Variants in TRPM3 observed in about 807,000 individuals in gnomAD.
TRPM3 encodes the protein transient receptor potential cation channel subfamily M member 3.
In TRPM3, 77 loss-of-function variants were observed where a neutral mutation model predicts 181.2. The ratio of observed to expected loss-of-function variants is 0.42; its 90% CI spans 0.35 to 0.51. The LOEUF (loss-of-function observed/expected upper bound fraction) is 0.51, where lower values mean the gene tolerates loss of function less well. TRPM3 is among the 20% of genes least tolerant of loss of function. The probability of loss-of-function intolerance (pLI) is 0.01; values close to 1 mark genes in which losing one functional copy is unlikely to be tolerated. For missense variants in TRPM3, 1,759 were observed against 2,196.7 expected (o/e 0.80, Z 3.98); for synonymous variants, 745 against 796.4 (o/e 0.94, Z 1.09).
rs1033179035 is a variant in TRPM3 at position 70,532,585 on chromosome 9, T to C, written c.*3368A>G. The C allele has an allele frequency of 6.6e-6, 1 of 152,144 alleles. No homozygotes were observed. The highest frequency in any genetic ancestry group is 6.5e-5 in the Admixed American group (1 of 15,284). 9.4% of individuals were successfully genotyped at this position (152,144 alleles called of 1,614,324 possible). On this transcript the variant is annotated 3_prime_UTR_variant, in exon 26 of 26. Transcript: ENST00000677713. ...AGGAGGGGCCCTCTAACTATAAATA[T>C]AAAGTATATTGGTTAAGCAGGAGAC... is the stretch of plus-strand genomic sequence containing the variant.
At chr9:71,014,656 C>T (rs940954170) in intron 1 of TRPM3, among the ~76,000 whole-genome samples, 31 of 152,070 alleles carry the variant, frequency 2.0e-4, no homozygotes, top group African/African-American at 7.0e-4. Flanking sequence ...ATCAAGATGG[C>T]AATTGCTGAT....
chr9:71,092,096 T>C (rs944441948), intron 1 of TRPM3, among the ~76,000 whole-genome samples: 1 of 152,310 alleles, frequency 6.6e-6, no homozygotes, highest in African/African-American at 2.4e-5. Flanking sequence ...TCTTATTCAT[T>C]TGCAAGCTTC....
chr9:71,355,343 A>G (rs1374069245), intron 1 of TRPM3, among the ~76,000 whole-genome samples: 1 of 152,206 alleles, frequency 6.6e-6, no homozygotes, highest in East Asian at 1.9e-4. Flanking sequence ...ATTTGGATAC[A>G]GACTCACAAA....
chr9:71,075,169 C>G (rs902293244), intron 1 of TRPM3, among the ~76,000 whole-genome samples: 3 of 151,966 alleles, frequency 2.0e-5, no homozygotes, highest in African/African-American at 7.2e-5. Flanking sequence ...TATTGATATT[C>G]AAGTAATTCA....
At chr9:71,317,691 A>G (rs2088767927) in intron 1 of TRPM3, among the ~76,000 whole-genome samples, 1 of 151,562 alleles carries the variant, frequency 6.6e-6, no homozygotes. Context: ...ACACACACAC[A>G]CACGCGCACA....
chr9:70,591,850 CTGTT>C (rs1012757026), intron 21 of TRPM3, among the ~76,000 whole-genome samples: 16 of 152,274 alleles, frequency 1.1e-4, no homozygotes, highest in South Asian at 4.2e-4. Flanking sequence ...GAGAAAATGG[CTGTT>C]TGTATACTTC....
chr9:70,530,878 T>G lies in TRPM3; in HGVS notation c.*5075A>C, dbSNP rs2040785354. The G allele has an allele frequency of 6.6e-6, 1 of 152,186 alleles. No homozygotes were observed. The highest frequency in any genetic ancestry group is 6.5e-5 in the Admixed American group (1 of 15,280). 9.4% of individuals were successfully genotyped at this position (152,186 alleles called of 1,614,324 possible). ...CAGTCATTTTCAAAACTGTGCAAAT[T>G]GGCTCCTCTCTTTAACAGATGTTGA... On this transcript the variant is annotated 3_prime_UTR_variant, in exon 26 of 26. Coordinates refer to ENST00000677713, the MANE Select transcript of TRPM3 (RefSeq NM_001366145.2).
chr9:70,934,416 G>C (rs1469240361), intron 1 of TRPM3, among the ~76,000 whole-genome samples: 4 of 152,094 alleles, frequency 2.6e-5, no homozygotes, highest in South Asian at 2.1e-4. Flanking sequence ...ACTGCTCCCT[G>C]ACTGAAAAGG....
At chr9:70,607,857 GTCTC>G (rs1220871220) in intron 19 of TRPM3, among the ~76,000 whole-genome samples, 1 of 152,186 alleles carries the variant, frequency 6.6e-6, no homozygotes, top group Admixed American at 6.5e-5. Context: ...AGAACCGATA[GTCTC>G]TCTCTGTCTC....
intron 6 of TRPM3, among the ~76,000 whole-genome samples, chr9:70,821,605 C>A (rs2093175666): frequency 6.6e-6 from 1 of 152,096 alleles, no homozygotes; most frequent in African/African-American, 2.4e-5. Context: ...TATTATGAAC[C>A]TGTTTACTTA....
chr9:70,741,604 C>A (rs1056186092), intron 8 of TRPM3, among the ~76,000 whole-genome samples: 1 of 151,910 alleles, frequency 6.6e-6, no homozygotes, highest in African/African-American at 2.4e-5. Context: ...ACAAAGAAAT[C>A]GTGGTATATG....
chr9:71,033,244 C>T (rs1325928300), intron 1 of TRPM3, among the ~76,000 whole-genome samples: 1 of 152,176 alleles, frequency 6.6e-6, no homozygotes, highest in Non-Finnish European at 1.5e-5. Context: ...CTAAAGCGTC[C>T]TAAGTAAGAT....
chr9:70,656,237 G>A (rs1438029602), intron 9 of TRPM3, among the ~76,000 whole-genome samples: 1 of 152,046 alleles, frequency 6.6e-6, no homozygotes, highest in East Asian at 1.9e-4. Context: ...TTGGCATAGG[G>A]GTTAAAAAAC....
intron 1 of TRPM3, among the ~76,000 whole-genome samples, chr9:71,294,930 A>G (rs1244486350): frequency 6.6e-6 from 1 of 152,170 alleles, no homozygotes; most frequent in Non-Finnish European, 1.5e-5. Context: ...CAAAACTTAC[A>G]TTATTTAGGG....
intron 1 of TRPM3, among the ~76,000 whole-genome samples, chr9:71,136,544 T>C (rs1337617671): frequency 6.6e-6 from 1 of 152,232 alleles, no homozygotes; most frequent in African/African-American, 2.4e-5. Context: ...ACACATTTAA[T>C]ATCCTCCTCC....
chr9:71,319,514 G>A (rs2088991666), intron 1 of TRPM3, among the ~76,000 whole-genome samples: 2 of 152,044 alleles, frequency 1.3e-5, no homozygotes, highest in Non-Finnish European at 2.9e-5. Flanking sequence ...GGGCCCTAAT[G>A]GCTTGGATGA....
chr9:70,558,202 A>G (rs2060611170), intron 22 of TRPM3, among the ~76,000 whole-genome samples: 1 of 152,172 alleles, frequency 6.6e-6, no homozygotes, highest in Non-Finnish European at 1.5e-5. Context: ...GAGTGACTCT[A>G]TCACAGAGAA....
At chr9:70,753,699 C>T (rs2076577449) in intron 8 of TRPM3, among the ~76,000 whole-genome samples, 1 of 152,066 alleles carries the variant, frequency 6.6e-6, no homozygotes, top group Non-Finnish European at 1.5e-5. Flanking sequence ...CATCCAGGTT[C>T]AGGTTCAATA....
At chr9:70,778,661 AG>A (rs1564241902) in intron 7 of TRPM3, among the ~76,000 whole-genome samples, 1 of 152,204 alleles carries the variant, frequency 6.6e-6, no homozygotes, top group African/African-American at 2.4e-5. Context: ...ACATGAAGCC[AG>A]CATGCTTGAT....
Sources: allele counts gnomAD v4.1 joint callset (sites outside exome capture counted in the v4.1 genomes callset), GRCh38; gene constraint gnomAD v4.1.1; transcripts MANE v1.5; gene names NCBI Gene and HGNC (gene_info 2026-07-23, HGNC 2026-07-21).